The following BIVM variants were observed in gnomAD, a reference collection of about 807,000 sequenced individuals.
BIVM encodes basic immunoglobulin-like variable motif-containing protein.
Under a neutral mutation model 61.4 loss-of-function variants are expected in BIVM, and 31 were observed. The ratio of observed to expected loss-of-function variants is 0.51; its 90% CI spans 0.38 to 0.68. BIVM has a LOEUF of 0.68. Among genes scored for constraint, BIVM ranks in the 30% least tolerant of loss-of-function variants. The pLI, the probability that BIVM is intolerant of heterozygous loss-of-function variation, is 0.00. For synonymous variants in BIVM, 189 were observed against 210.7 expected (o/e 0.90, Z 0.89); for missense variants, 526 against 596.0 (o/e 0.88, Z 1.22).
At chr13:102,820,921 C>A in intron 4 of BIVM, 116 bp from the exon 5 acceptor site, 2 of 898,148 alleles carry the variant, frequency 2.2e-6, no homozygotes, top group Non-Finnish European at 1.7e-6. Flanking sequence ...TTTACATTGA[C>A]TTAGGGGATC....
At chr13:102,837,879 T>C (rs1293463082) in intron 9 of BIVM, among the ~76,000 whole-genome samples, 4 of 152,202 alleles carry the variant, frequency 2.6e-5, no homozygotes, top group Non-Finnish European at 5.9e-5. Context: ...AATGATATAA[T>C]GGACTTTGGG....
intron 9 of BIVM, 51 bp downstream of exon 9, chr13:102,834,603 G>T (rs776638417): frequency 6.6e-7 from 1 of 1,505,736 alleles, no homozygotes; most frequent in Admixed American, 2.4e-5. Flanking sequence ...TTTAGATACA[G>T]TGAAATGCAC....
rs1942453234 is a variant in BIVM, at chr13:102,807,243, A to G, written c.-25A>G. On this transcript the variant is annotated 5_prime_UTR_variant, in exon 3 of 11. Coordinates refer to ENST00000257336, the MANE Select transcript of BIVM (RefSeq NM_017693.4). The surrounding 1 kb of genome is among the most constrained non-coding windows in gnomAD (Gnocchi z 4.0). ...GATAGAGTTGCAACTTGTTTCTAGT[A>G]ATAGAAACTTTTACACTGCATTCAA... is the stretch of plus-strand genomic sequence containing the variant. 2.6e-6 allele frequency: 4 copies of G among 1,555,270 alleles called. No homozygotes were observed. The highest frequency in any genetic ancestry group is 1.9e-5 in the Admixed American group (1 of 51,632).
intron 1 of BIVM, among the ~76,000 whole-genome samples, chr13:102,801,226 C>T (rs1878735471): frequency 6.6e-6 from 1 of 151,298 alleles, no homozygotes; most frequent in Non-Finnish European, 1.5e-5. Context: ...TGAGGTCCTG[C>T]AGTCATTCTT....
At chr13:102,827,164 A>G (rs1181162410) in intron 7 of BIVM, among the ~76,000 whole-genome samples, 8 of 151,822 alleles carry the variant, frequency 5.3e-5, no homozygotes, top group Non-Finnish European at 7.4e-5. Context: ...TTATTTTCCA[A>G]TAGTCTGGTA....
At chr13:102,810,569 C>A (rs1397057684) in intron 3 of BIVM, among the ~76,000 whole-genome samples, 1 of 152,178 alleles carries the variant, frequency 6.6e-6, no homozygotes, top group East Asian at 1.9e-4. Flanking sequence ...TATACTGCTT[C>A]GTCCACACTT....
chr13:102,824,161 G>A (rs1880492316), intron 7 of BIVM, among the ~76,000 whole-genome samples: 1 of 152,158 alleles, frequency 6.6e-6, no homozygotes, highest in Non-Finnish European at 1.5e-5. Flanking sequence ...ATGACATTTT[G>A]CACCCTGTAA....
intron 9 of BIVM, among the ~76,000 whole-genome samples, chr13:102,836,699 G>A (rs377246762): frequency 6.6e-6 from 1 of 152,192 alleles, no homozygotes; most frequent in Admixed American, 6.5e-5. Context: ...AGCACTATTT[G>A]TTTACAAAGA....
chr13:102,837,743 T>C (rs958814976), intron 9 of BIVM, among the ~76,000 whole-genome samples: 1 of 152,216 alleles, frequency 6.6e-6, no homozygotes, highest in African/African-American at 2.4e-5. Context: ...AAATGATGTC[T>C]TTTGCAACAA....
chr13:102,823,462 T>C (rs1246526225), intron 7 of BIVM, among the ~76,000 whole-genome samples: 3 of 152,246 alleles, frequency 2.0e-5, no homozygotes, highest in African/African-American at 4.8e-5. Context: ...ATACTTGTAA[T>C]GTACTTAGCA....
intron 7 of BIVM, among the ~76,000 whole-genome samples, chr13:102,830,747 A>G (rs555342812): frequency 2.0e-4 from 30 of 152,320 alleles, no homozygotes; most frequent in African/African-American, 7.0e-4. Flanking sequence ...TGAAGGGTGA[A>G]GGGGAACAGA....
intron 7 of BIVM, among the ~76,000 whole-genome samples, chr13:102,826,075 G>A (rs1214571343): frequency 6.6e-6 from 1 of 152,158 alleles, no homozygotes; most frequent in East Asian, 1.9e-4. Context: ...TGAGTCAGGA[G>A]GAATTCAGGA....
At chr13:102,831,198 T>C (rs1172956470) in intron 7 of BIVM, among the ~76,000 whole-genome samples, 3 of 152,192 alleles carry the variant, frequency 2.0e-5, no homozygotes, top group Non-Finnish European at 4.4e-5. Flanking sequence ...TGTGCTAACA[T>C]TGGGCATGCT....
At chr13:102,820,231 C>T (rs1977401) in intron 4 of BIVM, among the ~76,000 whole-genome samples, 41,458 of 151,364 alleles carry the variant, frequency 0.27, 6,148 homozygotes, top group African/African-American at 0.39. Flanking sequence ...GCACGCCTGT[C>T]GTCCCAGCTA....
rs1422085890 is a variant in BIVM, at chr13:102,831,906, G to A, written c.1034+209G>A. 1.2e-4 allele frequency among the ~76,000 whole-genome samples: 18 copies of A among 150,676 alleles called. No individual in the cohort carries two copies. The East Asian group carries it at 2.5e-3, about 21-fold the overall frequency. ...AAAAAAAAAAAAAAATTAGCCGGGC[G>A]TGGTGGCAGGCGCCTGTAGTCCCAG... On this transcript the variant is annotated intron_variant, in intron 8 of 10. Coordinates refer to ENST00000257336, the MANE Select transcript of BIVM (RefSeq NM_017693.4).
chr13:102,820,951 C>T, intron 4 of BIVM, 86 bp from the exon 5 acceptor site: 1 of 1,238,766 alleles, frequency 8.1e-7, no homozygotes, highest in Non-Finnish European at 1.1e-6. Flanking sequence ...ATTATATTAA[C>T]ACCTTTAATT....
In BIVM at chr13:102,821,799, T is replaced by A; in HGVS notation, c.758T>A (p.Phe253Tyr). The change falls in exon 6 of 11, where the codon TTT becomes TAT. Residue 253 changes from phenylalanine to tyrosine, a missense_variant. Transcript: ENST00000257336. ...ALHILGFQPP[F>Y]EDIRFGPFTG... ...CATATTCTGGGCTTTCAACCTCCAT[T>A]TGAAGATATTAGGTTTGGTCCTTTC... 1 of 1,614,066 alleles carries A rather than the reference T, an allele frequency of 6.2e-7. No homozygotes were observed. The highest frequency in any genetic ancestry group is 8.5e-7 in the Non-Finnish European group (1 of 1,179,982).
intron 9 of BIVM, among the ~76,000 whole-genome samples, chr13:102,835,826 C>A (rs1243651354): frequency 1.3e-5 from 2 of 152,230 alleles, no homozygotes; most frequent in East Asian, 3.8e-4. Flanking sequence ...AGCCACCACG[C>A]CTGGCTGGGA....
chr13:102,821,966 A>T (rs926771784), intron 6 of BIVM, 99 bp from the exon 7 acceptor site: 2 of 1,532,028 alleles, frequency 1.3e-6, no homozygotes, highest in East Asian at 4.5e-5. Context: ...TCTCATAGGT[A>T]TACCAACTTT....
Sources: gnomAD v4.1 joint callset for allele counts (sites outside exome capture counted in the v4.1 genomes callset) on GRCh38, gnomAD v4.1.1 for gene constraint, Gnocchi (gnomAD v3.1) non-coding constraint, MANE v1.5 for transcripts, NCBI Gene and HGNC (gene_info 2026-07-23, HGNC 2026-07-21) for gene names.